Variants in LRRTM4 observed in about 807,000 individuals in gnomAD.
LRRTM4 encodes the protein leucine-rich repeat transmembrane neuronal protein 4.
Under a neutral mutation model 47.6 loss-of-function variants are expected in LRRTM4, and 25 were observed. The ratio of observed to expected loss-of-function variants is 0.53; its 90% CI spans 0.38 to 0.73. The LOEUF is 0.73. LRRTM4 is among the 30% of genes least tolerant of loss of function. The pLI, the probability that LRRTM4 is intolerant of heterozygous loss-of-function variation, is 0.00. For synonymous variants in LRRTM4, 311 were observed against 269.5 expected, an observed-to-expected ratio of 1.15 and a Z score of -1.51; for missense variants, 638 against 713.4, an observed-to-expected ratio of 0.89 and a Z score of 1.20.
At chr2:76,962,247 G>C (rs1364991390) in intron 3 of LRRTM4, among the ~76,000 whole-genome samples, 2 of 151,142 alleles carry the variant, frequency 1.3e-5, no homozygotes, top group African/African-American at 4.8e-5. Context: ...AGACAGTTTT[G>C]TACAAAACAG....
chr2:77,324,867 G>T (rs1366668924), intron 3 of LRRTM4, among the ~76,000 whole-genome samples: 2 of 152,134 alleles, frequency 1.3e-5, no homozygotes, highest in Non-Finnish European at 2.9e-5. Flanking sequence ...TAGTCTTGAA[G>T]AGTAAAAATA....
intron 3 of LRRTM4, among the ~76,000 whole-genome samples, chr2:76,870,438 G>A (rs572165807): frequency 6.6e-6 from 1 of 151,988 alleles, no homozygotes; most frequent in African/African-American, 2.4e-5. Context: ...CCAAAAGAAT[G>A]AGCTGAAATA....
chr2:77,257,373 T>C (rs893511404), intron 3 of LRRTM4, among the ~76,000 whole-genome samples: 1 of 151,716 alleles, frequency 6.6e-6, no homozygotes, highest in Non-Finnish European at 1.5e-5. Context: ...AAAATAAACT[T>C]TATAAAAATT....
chr2:77,334,604 C>A (rs1307316791), intron 3 of LRRTM4, among the ~76,000 whole-genome samples: 1 of 152,202 alleles, frequency 6.6e-6, no homozygotes, highest in Non-Finnish European at 1.5e-5. Context: ...GAGGCATCCC[C>A]AGCCATGTGG....
At chr2:77,092,181 CTT>C (rs1670665568) in intron 3 of LRRTM4, among the ~76,000 whole-genome samples, 1 of 152,188 alleles carries the variant, frequency 6.6e-6, no homozygotes, top group African/African-American at 2.4e-5. Flanking sequence ...TGTACTCACT[CTT>C]TGTTAAGTCC....
At chr2:76,944,176 T>A (rs1337799159) in intron 3 of LRRTM4, among the ~76,000 whole-genome samples, 1 of 152,110 alleles carries the variant, frequency 6.6e-6, no homozygotes, top group Non-Finnish European at 1.5e-5. Flanking sequence ...TTTCACTGTG[T>A]TTTCTGCATG....
intron 3 of LRRTM4, among the ~76,000 whole-genome samples, chr2:77,159,984 T>A (rs1026720919): frequency 1.3e-5 from 2 of 151,906 alleles, no homozygotes; most frequent in African/African-American, 4.9e-5. Context: ...TCTTCCCCTG[T>A]CTTACACTGG....
chr2:76,839,800 A>AT (rs981559388), intron 3 of LRRTM4, among the ~76,000 whole-genome samples: 8 of 151,986 alleles, frequency 5.3e-5, no homozygotes, highest in East Asian at 1.9e-4. Context: ...ATACAATTTT[A>AT]TTTTTTTTAA....
At chr2:77,301,958 A>G (rs1187149400) in intron 3 of LRRTM4, among the ~76,000 whole-genome samples, 1 of 152,202 alleles carries the variant, frequency 6.6e-6, no homozygotes. Flanking sequence ...TATTAAAGTC[A>G]TAGAAGACTC....
At position 77,020,487 on chromosome 2, in the gene LRRTM4, C is replaced by T. The variant is rs895030721; in HGVS notation, c.1552-271571G>A. ...GCTACACAAAAAGGTTTCTAAGAAT[C>T]GTACATGTGTTGTCCCTCTAACCCT... On this transcript the variant is annotated intron_variant, in intron 3 of 3. Transcript: ENST00000409884. Among the ~76,000 whole-genome samples, 3 of 152,080 alleles carry T rather than the reference C, an allele frequency of 2.0e-5. No homozygotes were observed. In the East Asian group the frequency reaches 5.8e-4, roughly 29 times the overall value.
chr2:76,756,732 A>G (rs1290554907), intron 3 of LRRTM4, among the ~76,000 whole-genome samples: 1 of 152,148 alleles, frequency 6.6e-6, no homozygotes, highest in Non-Finnish European at 1.5e-5. Context: ...TATTTGATAT[A>G]CACAAAAATC....
chr2:77,362,924 A>T (rs904842662), intron 3 of LRRTM4, among the ~76,000 whole-genome samples: 1 of 152,096 alleles, frequency 6.6e-6, no homozygotes, highest in Non-Finnish European at 1.5e-5. Flanking sequence ...AAGAAAACAT[A>T]AATTTAATTT....
intron 3 of LRRTM4, among the ~76,000 whole-genome samples, chr2:76,786,503 A>T (rs1459586051): frequency 1.4e-5 from 2 of 147,654 alleles, no homozygotes; most frequent in African/African-American, 4.9e-5. Flanking sequence ...AATAAGAATT[A>T]TGAATATAAT....
intron 3 of LRRTM4, among the ~76,000 whole-genome samples, chr2:77,050,128 C>CTT (rs745419725): frequency 0.079 from 8,924 of 112,384 alleles, 1,056 homozygotes; most frequent in African/African-American, 0.26. Context: ...AGAACCAAGT[C>CTT]TTTTTTTTTT....
At chr2:77,465,900 G>T (rs571703943) in intron 3 of LRRTM4, among the ~76,000 whole-genome samples, 4 of 149,824 alleles carry the variant, frequency 2.7e-5, no homozygotes, top group African/African-American at 9.7e-5. Flanking sequence ...AATACATACA[G>T]GGAGCTGGCA....
At chr2:77,436,816 A>G (rs1002486715) in intron 3 of LRRTM4, among the ~76,000 whole-genome samples, 2 of 152,014 alleles carry the variant, frequency 1.3e-5, no homozygotes, top group Non-Finnish European at 2.9e-5. Flanking sequence ...TTATTGGTAT[A>G]GACAAATCTT....
chr2:76,898,934 A>T (rs1433680746), intron 3 of LRRTM4, among the ~76,000 whole-genome samples: 1 of 152,002 alleles, frequency 6.6e-6, no homozygotes, highest in Non-Finnish European at 1.5e-5. Flanking sequence ...ATATTTTGAA[A>T]GGTTAATCTT....
At chr2:77,331,033 C>A (rs1573264202) in intron 3 of LRRTM4, among the ~76,000 whole-genome samples, 1 of 152,008 alleles carries the variant, frequency 6.6e-6, no homozygotes, top group East Asian at 1.9e-4. Context: ...TGACAGCAAT[C>A]CATTTCCAAA....
intron 3 of LRRTM4, among the ~76,000 whole-genome samples, chr2:76,807,654 C>T (rs984386116): frequency 8.0e-5 from 12 of 149,094 alleles, no homozygotes; most frequent in Admixed American, 6.0e-4. Flanking sequence ...TGCAACGGTG[C>T]GATCTCAGCT....
Sources: gnomAD v4.1 joint callset for allele counts (sites outside exome capture counted in the v4.1 genomes callset) on GRCh38, gnomAD v4.1.1 for gene constraint, MANE v1.5 for transcripts, NCBI Gene and HGNC (gene_info 2026-07-23, HGNC 2026-07-21) for gene names.